The following SGCZ variants were observed in gnomAD, a reference collection of about 807,000 sequenced individuals.
SGCZ encodes zeta-sarcoglycan.
A neutral mutation model predicts 41.3 loss-of-function variants in SGCZ; 40 were observed. The ratio of observed to expected loss-of-function variants is 0.97; its 90% CI spans 0.75 to 1.26. The LOEUF (loss-of-function observed/expected upper bound fraction) is 1.26, where lower values mean the gene tolerates loss of function less well. SGCZ is among the 50% of genes most tolerant of loss of function. The pLI, the probability that SGCZ is intolerant of heterozygous loss-of-function variation, is 0.00. For synonymous variants in SGCZ, 206 were observed against 137.5 expected (o/e 1.50, Z -3.49); for missense variants, 552 against 369.8 (o/e 1.49, Z -4.04).
intron 5 of SGCZ, among the ~76,000 whole-genome samples, chr8:14,146,319 C>G (rs1020810259): frequency 6.6e-6 from 1 of 151,942 alleles, no homozygotes; most frequent in Non-Finnish European, 1.5e-5. Flanking sequence ...AATGGTTACC[C>G]TAGAATAGCA....
intron 1 of SGCZ, among the ~76,000 whole-genome samples, chr8:15,097,842 G>GTATATA (rs1234225819): frequency 9.1e-5 from 2 of 21,858 alleles, no homozygotes; most frequent in African/African-American, 1.7e-4. Flanking sequence ...ATACGTGTGT[G>GTATATA]TATATATATA....
At chr8:14,194,635 G>C (rs892769733) in intron 4 of SGCZ, among the ~76,000 whole-genome samples, 1 of 151,548 alleles carries the variant, frequency 6.6e-6, no homozygotes, top group African/African-American at 2.4e-5. Context: ...TAGAGTTATG[G>C]GATCCAAGTT....
chr8:14,528,824 A>AG (rs1803031931), intron 2 of SGCZ, among the ~76,000 whole-genome samples: 1 of 31,982 alleles, frequency 3.1e-5, no homozygotes, highest in Admixed American at 3.2e-4. Flanking sequence ...ATCACGGACC[A>AG]GCCAAAAAAA....
intron 1 of SGCZ, among the ~76,000 whole-genome samples, chr8:14,627,285 A>G (rs1360811260): frequency 6.6e-6 from 1 of 152,156 alleles, no homozygotes. Context: ...AAATAACAAT[A>G]TATCTTTGGG....
rs112431740 is a variant in SGCZ at position 14,376,014 on chromosome 8, C to T, written c.235-51810G>A. On this transcript the variant is annotated intron_variant, in intron 2 of 7. Transcript: ENST00000382080. ...CATAAATAAGTACAATGATACAAAA[C>T]GTAAAACTACAATGGAAAGCCAGGC... is the stretch of plus-strand genomic sequence containing the variant. 5.9e-5 allele frequency among the ~76,000 whole-genome samples: 9 copies of T among 152,154 alleles called. 1 individual carries two copies. Among genetic ancestry groups the T allele is most frequent in the East Asian group, 1.9e-4 (1 of 5,170 alleles).
At chr8:14,150,995 T>G (rs1803690631) in intron 5 of SGCZ, among the ~76,000 whole-genome samples, 2 of 152,054 alleles carry the variant, frequency 1.3e-5, no homozygotes. Flanking sequence ...CTCATGAACA[T>G]AGTAAAACGA....
chr8:14,269,424 T>C (rs572121194), intron 3 of SGCZ, among the ~76,000 whole-genome samples: 114 of 152,254 alleles, frequency 7.5e-4, no homozygotes, highest in Non-Finnish European at 1.2e-3. Flanking sequence ...ATCCATTTAC[T>C]TGCCTTCATA....
At chr8:14,105,745 A>T (rs952340765) in intron 6 of SGCZ, among the ~76,000 whole-genome samples, 4 of 152,088 alleles carry the variant, frequency 2.6e-5, no homozygotes, top group African/African-American at 7.2e-5. Flanking sequence ...CAGAAACACC[A>T]TACACTAGAT....
chr8:14,705,991 A>C (rs1809321040), intron 1 of SGCZ, among the ~76,000 whole-genome samples: 1 of 152,060 alleles, frequency 6.6e-6, no homozygotes, highest in Non-Finnish European at 1.5e-5. Flanking sequence ...GCTTAGAATC[A>C]TAATAGAAAT....
At chr8:14,309,412 A>G in intron 3 of SGCZ, 1 of 1,606,770 alleles carries the variant, frequency 6.2e-7, no homozygotes, top group African/African-American at 1.3e-5. Flanking sequence ...GCTTTTGGCT[A>G]GAGACACTTC....
intron 4 of SGCZ, among the ~76,000 whole-genome samples, chr8:14,183,370 A>C (rs567416650): frequency 6.6e-6 from 1 of 152,298 alleles, no homozygotes; most frequent in East Asian, 1.9e-4. Flanking sequence ...TGAGAACAGA[A>C]TAAAAATGGG....
intron 1 of SGCZ, among the ~76,000 whole-genome samples, chr8:15,052,735 C>A (rs892017229): frequency 7.2e-5 from 11 of 152,034 alleles, no homozygotes; most frequent in Non-Finnish European, 1.6e-4. Flanking sequence ...TAAATTTCAT[C>A]CTTAAACATT....
rs189691363 is a variant in SGCZ, at chr8:14,839,397, G to C, written c.40-284471C>G. 6.4e-4 allele frequency among the ~76,000 whole-genome samples: 98 copies of C among 152,240 alleles called. 1 individual carries two copies. The highest frequency in any genetic ancestry group is 6.1e-3 in the Admixed American group (93 of 15,274). ...CTGTGTTAGGAAATACTCATGTTAA[G>C]ATGTCTATTAGACTCTGTAGTATAG... On this transcript the variant is annotated intron_variant, in intron 1 of 7. Transcript: ENST00000382080.
At chr8:14,336,479 G>A (rs1207552700) in intron 2 of SGCZ, among the ~76,000 whole-genome samples, 1 of 152,108 alleles carries the variant, frequency 6.6e-6, no homozygotes, top group East Asian at 1.9e-4. Flanking sequence ...TAGATCTAAT[G>A]ACAGTCCTGT....
In SGCZ at chr8:15,000,023, A is replaced by T. The variant is rs149029083; in HGVS notation, c.39+237562T>A. 2.0e-5 allele frequency among the ~76,000 whole-genome samples: 3 copies of T among 152,268 alleles called. No individual in the cohort carries two copies. In the East Asian group the frequency reaches 5.8e-4, roughly 29 times the overall value. On this transcript the variant is annotated intron_variant, in intron 1 of 7. Transcript: ENST00000382080. ...GTATTTGCAGATAAGGTATTAAAAGAGGTAAGTAAGGTTAAATGAGGTCAT... is the reference window on the plus strand; with the variant it reads ...GTATTTGCAGATAAGGTATTAAAAGTGGTAAGTAAGGTTAAATGAGGTCAT...
intron 1 of SGCZ, among the ~76,000 whole-genome samples, chr8:14,747,879 ATT>A (rs375144725): frequency 1.5e-4 from 20 of 130,300 alleles, no homozygotes; most frequent in Middle Eastern, 4.0e-3. Flanking sequence ...CAACTGACTA[ATT>A]TTTTTTTTTT....
chr8:15,126,351 TCTACC>T (rs901378073), intron 1 of SGCZ, among the ~76,000 whole-genome samples: 14 of 152,212 alleles, frequency 9.2e-5, no homozygotes, highest in African/African-American at 3.4e-4. Context: ...TATACTAAAC[TCTACC>T]CGTTATTCCA....
At chr8:15,074,910 G>C (rs1336969222) in intron 1 of SGCZ, among the ~76,000 whole-genome samples, 17 of 152,130 alleles carry the variant, frequency 1.1e-4, no homozygotes, top group Admixed American at 1.1e-3. Flanking sequence ...GTGTATCTCT[G>C]TATCTGACCC....
intron 1 of SGCZ, among the ~76,000 whole-genome samples, chr8:15,051,569 G>A (rs1804514883): frequency 6.6e-6 from 1 of 152,038 alleles, no homozygotes; most frequent in African/African-American, 2.4e-5. Context: ...TGTATGTTAA[G>A]CTTTAGGAGA....
Sources: allele counts gnomAD v4.1 joint callset (sites outside exome capture counted in the v4.1 genomes callset), GRCh38; gene constraint gnomAD v4.1.1; transcripts MANE v1.5; gene names NCBI Gene and HGNC (gene_info 2026-07-23, HGNC 2026-07-21).